The following SCFD1 variants were observed in gnomAD, a reference collection of about 807,000 sequenced individuals.
SCFD1 encodes the protein sec1 family domain containing 1.
Under a neutral mutation model 103.2 loss-of-function variants are expected in SCFD1, and 37 were observed. That is an observed-to-expected ratio of 0.36 (90% CI 0.28 to 0.47). The LOEUF (loss-of-function observed/expected upper bound fraction) is 0.47, where lower values mean the gene tolerates loss of function less well. Among genes scored for constraint, SCFD1 ranks in the 20% least tolerant of loss-of-function variants. The pLI is 1.00. For missense variants in SCFD1, 639 were observed against 761.2 expected, an observed-to-expected ratio of 0.84 and a Z score of 1.89; for synonymous variants, 264 against 245.0, an observed-to-expected ratio of 1.08 and a Z score of -0.73.
chr14:30,661,523 G>C (rs952723083), intron 10 of SCFD1, among the ~76,000 whole-genome samples: 1 of 152,058 alleles, frequency 6.6e-6, no homozygotes, highest in Admixed American at 6.6e-5. Flanking sequence ...TGTGTAACTC[G>C]TTCTCTAGAG....
At chr14:30,733,343 A>G (rs1248684989) in intron 23 of SCFD1, among the ~76,000 whole-genome samples, 1 of 152,194 alleles carries the variant, frequency 6.6e-6, no homozygotes, top group Non-Finnish European at 1.5e-5. Context: ...GAGTAAGTAA[A>G]GGGGTCATCA....
At chr14:30,724,970 T>C (rs1226146733) in intron 23 of SCFD1, among the ~76,000 whole-genome samples, 1 of 152,132 alleles carries the variant, frequency 6.6e-6, no homozygotes, top group Non-Finnish European at 1.5e-5. Flanking sequence ...TTTGTCAGGT[T>C]TGTCGAAGAT....
intron 16 of SCFD1, among the ~76,000 whole-genome samples, chr14:30,700,766 A>T (rs1891027831): frequency 2.6e-5 from 4 of 152,230 alleles, no homozygotes; most frequent in Admixed American, 2.6e-4. Context: ...TTACCAGGGG[A>T]AACTACCCGT....
At chr14:30,643,881 T>A (rs1824603994) in intron 7 of SCFD1, 3 of 450,556 alleles carry the variant, frequency 6.7e-6, no homozygotes, top group African/African-American at 2.0e-5. Context: ...TTATTTTAGG[T>A]TTGGGGGATA....
rs950907550 is a variant in SCFD1 at position 30,638,139 on chromosome 14, A to G, written c.327A>G (p.Gln109=). Residue 109 remains glutamine (Q), a synonymous_variant, in exon 5 of 25, where the codon CAA becomes CAG. Transcript: ENST00000458591. The part of the protein sequence containing the change: ...IDRMCQDLRN[Q]LYESYYLNFI... The stretch of plus-strand genomic sequence containing the variant: ...TGTATTGATAGGATCTTCGAAATCA[A>G]CTATATGAATCATATTATTTAAATT... 9.3e-6 allele frequency: 15 copies of G among 1,606,792 alleles called. No individual in the cohort carries two copies. The Middle Eastern group carries it at 5.0e-4, about 54-fold the overall frequency.
intron 19 of SCFD1, among the ~76,000 whole-genome samples, chr14:30,709,583 T>A (rs1891720439): frequency 1.3e-5 from 2 of 152,204 alleles, no homozygotes; most frequent in Admixed American, 1.3e-4. Flanking sequence ...TACCTCCTGG[T>A]AAGGAGCTAC....
chr14:30,717,374 G>A (rs1026324031), intron 20 of SCFD1, among the ~76,000 whole-genome samples: 6 of 152,140 alleles, frequency 3.9e-5, no homozygotes, highest in Admixed American at 3.3e-4. Context: ...CTATTCAGGA[G>A]GCTGAGGTGG....
chr14:30,695,014 A>C, intron 15 of SCFD1, 145 bp downstream of exon 15: 1 of 1,429,380 alleles, frequency 7.0e-7, no homozygotes, highest in Non-Finnish European at 9.2e-7. Flanking sequence ...TTTCTGGTAA[A>C]ATTTTATAAC....
intron 11 of SCFD1, among the ~76,000 whole-genome samples, chr14:30,671,211 T>G (rs1189922222): frequency 6.6e-6 from 1 of 152,148 alleles, no homozygotes; most frequent in Non-Finnish European, 1.5e-5. Context: ...TTTTTTTTAC[T>G]TACAACTTTT....
intron 11 of SCFD1, among the ~76,000 whole-genome samples, chr14:30,672,307 A>G (rs1888625576): frequency 1.3e-5 from 2 of 152,194 alleles, no homozygotes; most frequent in Non-Finnish European, 2.9e-5. Context: ...CATAGACTCA[A>G]CTGGAGCTGG....
At position 30,719,353 on chromosome 14, in the gene SCFD1, C is replaced by T; in HGVS notation, c.1712C>T (p.Pro571Leu). ...ACTGATGACTATAGATATTTTGATCCCAAAATGCTGCGGGGCAATGACAGG... is the reference window on the plus strand; with the variant it reads ...ACTGATGACTATAGATATTTTGATCTCAAAATGCTGCGGGGCAATGACAGG... ...PETDDYRYFD[P>L]KMLRGNDSSV... The change falls in exon 21 of 25, where the codon CCC becomes CTC. Residue 571 changes from proline to leucine, a missense_variant. Pro to Leu is a moderately conservative substitution (Grantham distance 98). Coordinates refer to ENST00000458591, the MANE Select transcript of SCFD1 (RefSeq NM_016106.4). The T allele has an allele frequency of 6.2e-7, 1 of 1,604,870 alleles. No homozygotes were observed. The highest frequency in any genetic ancestry group is 8.5e-7 in the Non-Finnish European group (1 of 1,176,278).
At chr14:30,652,969 A>T (rs879380334) in intron 9 of SCFD1, among the ~76,000 whole-genome samples, 1 of 152,066 alleles carries the variant, frequency 6.6e-6, no homozygotes. Flanking sequence ...TGATTGTGCC[A>T]CTACACTCCA....
intron 14 of SCFD1, chr14:30,683,434 G>C: frequency 2.0e-6 from 1 of 507,782 alleles, no homozygotes; most frequent in Non-Finnish European, 3.8e-6. Context: ...GTGAAAAGGT[G>C]GTCTGATTCA....
At position 30,735,740 on chromosome 14, in the gene SCFD1, T is replaced by G. The variant is rs1380381970; in HGVS notation, c.*131T>G. ...AGTGAAAATCAGAGTTATTTGTTAA[T>G]TTTTAAGGAAATTATATACTTAATA... On this transcript the variant is annotated 3_prime_UTR_variant, in exon 25 of 25. Transcript: ENST00000458591. The G allele has an allele frequency of 6.4e-6, 4 of 629,494 alleles. No homozygotes were observed. Among genetic ancestry groups the G allele is most frequent in the African/African-American group, 1.9e-5 (1 of 52,430 alleles). 39.0% of individuals were successfully genotyped at this position (629,494 alleles called of 1,614,324 possible). A position where few individuals can be genotyped will look rare whatever the true frequency, so the allele number is the denominator to read the frequency against.
chr14:30,623,501 G>A (rs1489347679), intron 1 of SCFD1, among the ~76,000 whole-genome samples: 1 of 152,140 alleles, frequency 6.6e-6, no homozygotes, highest in Non-Finnish European at 1.5e-5. Context: ...TAAATATAGG[G>A]AAGTTCAAAT....
At chr14:30,720,201 T>A (rs1054703090) in intron 21 of SCFD1, among the ~76,000 whole-genome samples, 1 of 152,180 alleles carries the variant, frequency 6.6e-6, no homozygotes, top group Non-Finnish European at 1.5e-5. Context: ...ACCAGAAATA[T>A]CACCAAAATT....
chr14:30,707,184 A>G (rs951360113), intron 18 of SCFD1, among the ~76,000 whole-genome samples: 10 of 152,210 alleles, frequency 6.6e-5, no homozygotes, highest in Non-Finnish European at 1.3e-4. Flanking sequence ...TGATTTTACA[A>G]TTGGGATTTT....
chr14:30,716,884 A>G lies in SCFD1; in HGVS notation c.1683+907A>G, dbSNP rs1892315754. ...GGCAGTTAATATTAGGAATGGGAGAATCATTTATAATGATAAACTAAAAAG... is the reference window on the plus strand; with the variant it reads ...GGCAGTTAATATTAGGAATGGGAGAGTCATTTATAATGATAAACTAAAAAG... On this transcript the variant is annotated intron_variant, in intron 20 of 24. Transcript: ENST00000458591. Among the ~76,000 whole-genome samples, 4 of 152,244 alleles carry G rather than the reference A, an allele frequency of 2.6e-5. No individual in the cohort carries two copies. In the South Asian group the frequency reaches 8.3e-4, roughly 32 times the overall value.
At chr14:30,630,767 T>C (rs556646908) in intron 3 of SCFD1, 2 of 500,286 alleles carry the variant, frequency 4.0e-6, no homozygotes, top group South Asian at 5.1e-5. Flanking sequence ...CCTTGTGGCT[T>C]TTCCTTAGAT....
Sources: allele counts gnomAD v4.1 joint callset (sites outside exome capture counted in the v4.1 genomes callset), GRCh38; gene constraint gnomAD v4.1.1; transcripts MANE v1.5; gene names NCBI Gene and HGNC (gene_info 2026-07-23, HGNC 2026-07-21).